The following PRDM16 variants were observed in gnomAD, a reference collection of about 807,000 sequenced individuals.
PRDM16 encodes the protein histone-lysine N-methyltransferase PRDM16.
A neutral mutation model predicts 110.6 loss-of-function variants in PRDM16; 23 were observed. The observed-to-expected ratio is 0.21, with a 90% CI of 0.15 to 0.29. PRDM16 has a LOEUF of 0.29. Among genes scored for constraint, PRDM16 ranks in the 10% least tolerant of loss-of-function variants. PRDM16 has a pLI of 1.00. For missense variants in PRDM16, 1,615 were observed against 1,794.3 expected, an observed-to-expected ratio of 0.90 and a Z score of 1.81; for synonymous variants, 799 against 781.8, an observed-to-expected ratio of 1.02 and a Z score of -0.37.
intron 2 of PRDM16, among the ~76,000 whole-genome samples, chr1:3,192,756 C>T (rs1638345323): frequency 6.6e-6 from 1 of 152,134 alleles, no homozygotes; most frequent in Non-Finnish European, 1.5e-5. Context: ...CCCTTTCAGT[C>T]CCTGTGGCCC....
intron 1 of PRDM16, among the ~76,000 whole-genome samples, chr1:3,171,436 G>A (rs760172892): frequency 7.2e-4 from 109 of 152,182 alleles, no homozygotes; most frequent in Non-Finnish European, 3.2e-4. Flanking sequence ...AGCCTCCTGC[G>A]AGGACGCTGG....
At chr1:3,134,819 C>T (rs894753536) in intron 1 of PRDM16, among the ~76,000 whole-genome samples, 1 of 152,252 alleles carries the variant, frequency 6.6e-6, no homozygotes, top group Non-Finnish European at 1.5e-5. Context: ...GGCAAACAGG[C>T]GGCCTTTTGT....
intron 1 of PRDM16, among the ~76,000 whole-genome samples, chr1:3,181,369 C>CGGTCTT (rs1489322200): frequency 5.4e-5 from 5 of 92,590 alleles, no homozygotes; most frequent in Admixed American, 2.4e-4. Flanking sequence ...CGGTCTTACA[C>CGGTCTT]ACGCAGTCTT....
intron 1 of PRDM16, among the ~76,000 whole-genome samples, chr1:3,082,209 A>G (rs1642046003): frequency 6.6e-6 from 1 of 152,322 alleles, no homozygotes; most frequent in African/African-American, 2.4e-5. Context: ...CCCCGCGGCC[A>G]GGCCCTCTGC....
At chr1:3,214,186 G>GAC in intron 2 of PRDM16, among the ~76,000 whole-genome samples, 1 of 152,176 alleles carries the variant, frequency 6.6e-6, no homozygotes, top group African/African-American at 2.4e-5. Flanking sequence ...TTTTCAGACA[G>GAC]GCGTCTTTTC....
chr1:3,232,645 C>G (rs1363963004), intron 2 of PRDM16, among the ~76,000 whole-genome samples: 1 of 152,090 alleles, frequency 6.6e-6, no homozygotes, highest in African/African-American at 2.4e-5. Context: ...AGGGAAGGGC[C>G]AAGGGGGGTA....
At chr1:3,371,766 A>C (rs1456627713) in intron 3 of PRDM16, among the ~76,000 whole-genome samples, 2 of 152,248 alleles carry the variant, frequency 1.3e-5, no homozygotes, top group Non-Finnish European at 2.9e-5. Flanking sequence ...GAAAGGAGTC[A>C]GGTGGACAGC....
chr1:3,425,472 TGCACGGG>T lies in PRDM16; in HGVS notation c.2940-98_2940-92del. ...TCCGGGACACGGCGGGGCAAAGCTG[TGCACGGG>T]GCACGGGGCAGGGGCGCGGGCTCCC... On this transcript the variant is annotated intron_variant, in intron 12 of 16. Coordinates refer to ENST00000270722, the MANE Select transcript of PRDM16 (RefSeq NM_022114.4). This position sits in a 1 kb window ranked among gnomAD's most constrained non-coding sequence, Gnocchi z 6.9. 3.3e-6 allele frequency: 4 copies of T among 1,219,932 alleles called. No homozygotes were observed. Among genetic ancestry groups the T allele is most frequent in the South Asian group, 2.9e-5 (2 of 69,102 alleles). The allele number at this position is 1,219,932 out of a possible 1,614,324, so 75.6% of individuals were successfully genotyped here. A position where few individuals can be genotyped will look rare whatever the true frequency, so the allele number is the denominator to read the frequency against.
intron 1 of PRDM16, among the ~76,000 whole-genome samples, chr1:3,114,301 G>T (rs373365355): frequency 8.2e-5 from 9 of 110,264 alleles, no homozygotes; most frequent in Admixed American, 9.6e-5. Context: ...AAACGCACAC[G>T]CACGCACACA....
chr1:3,134,625 G>A (rs758014168), intron 1 of PRDM16, among the ~76,000 whole-genome samples: 5 of 152,262 alleles, frequency 3.3e-5, no homozygotes, highest in East Asian at 1.9e-4. Flanking sequence ...GAAAAGCTCC[G>A]GAGTTAACCG....
intron 2 of PRDM16, among the ~76,000 whole-genome samples, chr1:3,233,479 C>T (rs1248976134): frequency 2.0e-5 from 3 of 152,224 alleles, no homozygotes; most frequent in African/African-American, 7.2e-5. Flanking sequence ...TCCTGGGGCG[C>T]AAAGGGCTCA....
At chr1:3,366,004 G>C (rs546611321) in intron 3 of PRDM16, among the ~76,000 whole-genome samples, 1 of 148,348 alleles carries the variant, frequency 6.7e-6, no homozygotes, top group East Asian at 1.9e-4. Context: ...ACACATACGC[G>C]CACGCACACA....
At chr1:3,338,661 G>A (rs1011044788) in intron 3 of PRDM16, among the ~76,000 whole-genome samples, 5 of 152,130 alleles carry the variant, frequency 3.3e-5, no homozygotes, top group African/African-American at 1.2e-4. Context: ...AGGGTCCCAC[G>A]CCATGAGGGC....
Position 3,412,698 on chromosome 1 carries a change from G to C in PRDM16, c.2501G>C (p.Gly834Ala). The change falls in exon 9 of 17, where the codon GGC becomes GCC. Residue 834 changes from glycine (G) to alanine (A), a missense_variant. Around this residue, in one of 5 missense-constraint regions of PRDM16, gnomAD observed 772 missense variants for 748.3 expected, o/e 1.03. Transcript: ENST00000270722. ...KNHVYGERKLGAGEGLPQVCP... is the reference protein window; with the variant it reads ...KNHVYGERKLAAGEGLPQVCP... ...CACGTCTATGGGGAACGCAAGCTGG[G>C]CGCCGGCGAGGGGCTGCCCCAGGTG... The C allele has an allele frequency of 6.7e-7, 1 of 1,494,618 alleles. No individual in the cohort carries two copies. The highest frequency in any genetic ancestry group is 8.9e-7 in the Non-Finnish European group (1 of 1,121,894). The allele number at this position is 1,494,618 out of a possible 1,614,324, so 92.6% of individuals were successfully genotyped here.
At chr1:3,414,252 G>A (rs533181917) in intron 9 of PRDM16, among the ~76,000 whole-genome samples, 1 of 152,312 alleles carries the variant, frequency 6.6e-6, no homozygotes, top group East Asian at 1.9e-4. Context: ...TGGCAGCCAG[G>A]GGTCTTTGAA....
chr1:3,104,873 C>T (rs552684760), intron 1 of PRDM16, among the ~76,000 whole-genome samples: 20 of 152,308 alleles, frequency 1.3e-4, no homozygotes, highest in East Asian at 3.9e-4. Context: ...ACTTCATGAA[C>T]GCTCACTGAA....
At chr1:3,289,241 G>A (rs1226747926) in intron 3 of PRDM16, among the ~76,000 whole-genome samples, 1 of 152,214 alleles carries the variant, frequency 6.6e-6, no homozygotes, top group Non-Finnish European at 1.5e-5. Flanking sequence ...CAGGGCTGCT[G>A]AGACTGAGGC....
chr1:3,361,081 G>C (rs1428586242), intron 3 of PRDM16, among the ~76,000 whole-genome samples: 2 of 152,258 alleles, frequency 1.3e-5, no homozygotes, highest in Non-Finnish European at 2.9e-5. Flanking sequence ...CGCAGGAAAG[G>C]CCTTTTGAAG....
At position 3,081,253 on chromosome 1, in the gene PRDM16, G is replaced by A. The variant is rs572769557; in HGVS notation, c.37+11957G>A. On this transcript the variant is annotated intron_variant, in intron 1 of 16. Coordinates refer to ENST00000270722, the MANE Select transcript of PRDM16 (RefSeq NM_022114.4). This position sits in a 1 kb window ranked among gnomAD's most constrained non-coding sequence, Gnocchi z 4.6. ...GGGACTTGGGTTCGAGGCCCCTCGC[G>A]GCTGTACCCCGAGTCCCCCGTGCTG... 8.5e-5 allele frequency among the ~76,000 whole-genome samples: 13 copies of A among 152,316 alleles called. No individual in the cohort carries two copies. In the South Asian group the frequency reaches 2.3e-3, roughly 27 times the overall value.
Sources: allele counts gnomAD v4.1 joint callset (sites outside exome capture counted in the v4.1 genomes callset), GRCh38; gene constraint gnomAD v4.1.1; regional missense constraint gnomAD v4.1.1; non-coding constraint Gnocchi (gnomAD v3.1); transcripts MANE v1.5; gene names NCBI Gene and HGNC (gene_info 2026-07-23, HGNC 2026-07-21).